ATP7A: variants seen among roughly 807,000 people sequenced by gnomAD.
ATP7A encodes the protein copper-transporting ATPase 1.
In ATP7A, 7 loss-of-function variants were observed where a neutral mutation model predicts 83.5. The observed-to-expected ratio is 0.08, with a 90% CI of 0.05 to 0.16. The LOEUF (loss-of-function observed/expected upper bound fraction) is 0.16. Ranked by LOEUF, ATP7A falls within the 10% of genes least tolerant of loss-of-function variation. ATP7A has a pLI of 1.00. For synonymous variants in ATP7A, 354 were observed against 395.2 expected (o/e 0.90, Z 1.24); for missense variants, 940 against 1,120.8 (o/e 0.84, Z 2.30).
intron 1 of ATP7A, among the ~76,000 whole-genome samples, chrX:77,970,721 A>G: frequency 8.9e-6 from 1 of 111,817 alleles, no homozygotes; most frequent in East Asian, 2.8e-4. Flanking sequence ...AAAACAAGAA[A>G]CAAGTCATTA....
chrX:78,017,243 A>G (rs1180294340), intron 12 of ATP7A, among the ~76,000 whole-genome samples: 1 of 112,256 alleles, frequency 8.9e-6, no homozygotes, highest in Non-Finnish European at 1.9e-5. Flanking sequence ...GACCCCTTTT[A>G]GCCATGACTG....
chrX:77,974,784 G>A, intron 2 of ATP7A: 1 of 297,076 alleles, frequency 3.4e-6, no homozygotes. Flanking sequence ...ATTTTCAAAT[G>A]TTGAGCCAGC....
intron 6 of ATP7A, among the ~76,000 whole-genome samples, chrX:78,006,459 G>A (rs2077775787): frequency 8.9e-6 from 1 of 112,214 alleles, no homozygotes. Context: ...GTTTTTATAT[G>A]TTTTTAAGGA....
At chrX:78,009,017 C>CAA (rs370905128) in intron 6 of ATP7A, 85 bp from the exon 7 acceptor site, 6,032 of 787,430 alleles carry the variant, frequency 7.7e-3, no homozygotes, top group Non-Finnish European at 8.4e-3. Context: ...GACTCTGTCT[C>CAA]AAAAAAAAAA....
chrX:77,971,218 G>A (rs781858904), intron 1 of ATP7A, among the ~76,000 whole-genome samples: 3 of 111,864 alleles, frequency 2.7e-5, no homozygotes, highest in Admixed American at 9.5e-5. Flanking sequence ...ACAGGCATGG[G>A]AAATCATGTG....
intron 16 of ATP7A, among the ~76,000 whole-genome samples, chrX:78,032,665 GTCTTTT>G (rs2077990096): frequency 8.9e-6 from 1 of 111,824 alleles, no homozygotes; most frequent in South Asian, 3.7e-4. Flanking sequence ...AGAGTTGTTT[GTCTTTT>G]TCTTATTCAT....
chrX:77,985,570 C>G (rs1239588023), intron 2 of ATP7A, among the ~76,000 whole-genome samples: 1 of 111,566 alleles, frequency 9.0e-6, no homozygotes, highest in Non-Finnish European at 1.9e-5. Flanking sequence ...TCTGGTAGGA[C>G]TAACCACATT....
In ATP7A at chrX:77,988,674, T is replaced by A. The variant is rs782791423; in HGVS notation, c.553T>A (p.Cys185Ser). The change falls in exon 3 of 23, where the codon TGT (cysteine) becomes AGT (serine). Residue 185 changes from cysteine to serine, a missense_variant. Physicochemically the swap from Cys to Ser is moderately radical, Grantham distance 112 (BLOSUM62 -1). Transcript: ENST00000341514. Reference protein sequence around the residue: ...MKVEGMTCHSCTSTIEGKIGK... With the variant: ...MKVEGMTCHSSTSTIEGKIGK... ...AGTGGAAGGGATGACCTGCCATTCA[T>A]GTACTAGCACTATTGAAGGAAAAAT... The A allele has an allele frequency of 4.1e-6, 5 of 1,211,322 alleles. No homozygotes were observed. The highest frequency in any genetic ancestry group is 5.6e-6 in the Non-Finnish European group (5 of 895,141).
chrX:77,959,578 C>G (rs1259490643), intron 1 of ATP7A, among the ~76,000 whole-genome samples: 1 of 112,124 alleles, frequency 8.9e-6, no homozygotes, highest in Non-Finnish European at 1.9e-5. Flanking sequence ...GTTGTGACAA[C>G]CAAAAGTGTC....
intron 1 of ATP7A, chrX:77,966,915 C>G (rs1003631784): frequency 5.4e-5 from 16 of 298,345 alleles, no homozygotes; most frequent in African/African-American, 3.5e-4. Context: ...CCCTCACCCC[C>G]CAGCAGGCTC....
chrX:78,010,839 A>C (rs1390013270), intron 7 of ATP7A, among the ~76,000 whole-genome samples: 1 of 110,444 alleles, frequency 9.1e-6, no homozygotes, highest in Non-Finnish European at 1.9e-5. Context: ...TTGGCCTCCC[A>C]AAGTGCTGGG....
At chrX:77,932,029 G>T (rs1557224458) in intron 1 of ATP7A, among the ~76,000 whole-genome samples, 1 of 110,494 alleles carries the variant, frequency 9.1e-6, no homozygotes, top group Non-Finnish European at 1.9e-5. Flanking sequence ...GGACGGGGCG[G>T]CTGGCCTGGC....
intron 1 of ATP7A, among the ~76,000 whole-genome samples, chrX:77,929,697 G>A (rs1186636058): frequency 5.6e-5 from 6 of 106,364 alleles, no homozygotes; most frequent in Admixed American, 1.0e-4. Context: ...TGAACTCCCG[G>A]GCTCAAGCAA....
intron 1 of ATP7A, among the ~76,000 whole-genome samples, chrX:77,941,128 A>G (rs905988652): frequency 4.5e-5 from 5 of 111,911 alleles, no homozygotes; most frequent in African/African-American, 1.6e-4. Flanking sequence ...TAGAATGTAC[A>G]TGCCCTTTGT....
In ATP7A at chrX:77,919,768, G is replaced by A. The variant is rs782423546; in HGVS notation, c.-22+8933G>A. Among the ~76,000 whole-genome samples, 74 of 112,590 alleles carry A rather than the reference G, an allele frequency of 6.6e-4. No individual in the cohort carries two copies. In the East Asian group the frequency reaches 0.019, roughly 28 times the overall value. On this transcript the variant is annotated intron_variant, in intron 1 of 22. Coordinates refer to ENST00000341514, the MANE Select transcript of ATP7A (RefSeq NM_000052.7). ...CTCCCAAAGTGCTGGGATTACAGGC[G>A]TGAGCCACTGTGTCCGGCCCCATTT... is the stretch of plus-strand genomic sequence containing the variant.
chrX:78,030,933 C>CATACACCT (rs1324531403), intron 15 of ATP7A, among the ~76,000 whole-genome samples: 12 of 110,588 alleles, frequency 1.1e-4, no homozygotes, highest in Non-Finnish European at 2.3e-4. Context: ...TCAGGTGATC[C>CATACACCT]ATACACCTCA....
At chrX:78,022,505 G>GTTTGTTTATTTA (rs782072664) in intron 14 of ATP7A, among the ~76,000 whole-genome samples, 1,937 of 95,787 alleles carry the variant, frequency 0.02, 18 homozygotes, top group Admixed American at 0.037. Flanking sequence ...TTGTTTGTTT[G>GTTTGTTTATTTA]TTTATTTATT....
chrX:77,932,624 T>G (rs1030853090), intron 1 of ATP7A, among the ~76,000 whole-genome samples: 1 of 112,585 alleles, frequency 8.9e-6, no homozygotes, highest in Non-Finnish European at 1.9e-5. Flanking sequence ...CATTGAGCAC[T>G]GAGTGAACCA....
chrX:78,020,799 G>A lies in ATP7A; in HGVS notation c.2782-146G>A, dbSNP rs781829363. The A allele has an allele frequency of 7.8e-6, 5 of 643,020 alleles. No individual in the cohort carries two copies. In the Admixed American group the frequency reaches 1.3e-4, roughly 17 times the overall value. The allele number at this position is 643,020 out of a possible 1,213,427, so 53.0% of individuals were successfully genotyped here. ...GTCTCTCAAAGTGTTGGGATTACAG[G>A]TGTGAGCCACCACACCTGGCCATTA... On this transcript the variant is annotated intron_variant, in intron 13 of 22. Transcript: ENST00000341514.
Sources: gnomAD v4.1 joint callset for allele counts (sites outside exome capture counted in the v4.1 genomes callset) on GRCh38, gnomAD v4.1.1 for gene constraint, MANE v1.5 for transcripts, NCBI Gene and HGNC (gene_info 2026-07-23, HGNC 2026-07-21) for gene names.